Variants in SUCO observed in about 807,000 individuals in gnomAD.
SUCO encodes the protein SUN domain-containing ossification factor.
A neutral mutation model predicts 148.1 loss-of-function variants in SUCO; 57 were observed. The ratio of observed to expected loss-of-function variants is 0.38; its 90% CI spans 0.31 to 0.48. The LOEUF is 0.48. Among genes scored for constraint, SUCO ranks in the 20% least tolerant of loss-of-function variants. The pLI, the probability that SUCO is intolerant of heterozygous loss-of-function variation, is 0.96. For missense variants in SUCO, 1,331 were observed against 1,468.2 expected (o/e 0.91, Z 1.53); for synonymous variants, 470 against 502.7 (o/e 0.93, Z 0.87).
rs547393065 is a variant in SUCO, at chr1:172,591,438, C to G, written c.2913+367C>G. Among the ~76,000 whole-genome samples, 40 of 119,370 alleles carry G rather than the reference C, an allele frequency of 3.4e-4. No homozygotes were observed. The East Asian group carries it at 0.012, about 36-fold the overall frequency. The allele number at this position is 119,370 out of a possible 152,430, so 78.3% of individuals were successfully genotyped here. A position where few individuals can be genotyped will look rare whatever the true frequency, so the allele number is the denominator to read the frequency against. The stretch of plus-strand genomic sequence containing the variant: ...ATGCTATCCCTCCCCCCTCCCCCCA[C>G]CCCACAACAGGCCCTGGTGTGTGAT... On this transcript the variant is annotated intron_variant, in intron 19 of 23. Coordinates refer to ENST00000263688, the MANE Select transcript of SUCO (RefSeq NM_014283.5).
At chr1:172,535,768 T>G (rs1651966967) in intron 1 of SUCO, among the ~76,000 whole-genome samples, 2 of 152,226 alleles carry the variant, frequency 1.3e-5, no homozygotes, top group South Asian at 4.1e-4. Context: ...TTCTACAGTA[T>G]TCTAGTTTCT....
chr1:172,553,382 C>G lies in SUCO; in HGVS notation c.288+12C>G, dbSNP rs374461584. The G allele has an allele frequency of 4.5e-6, 7 of 1,541,862 alleles. No homozygotes were observed. Among genetic ancestry groups the G allele is most frequent in the Non-Finnish European group, 5.3e-6 (6 of 1,130,434 alleles). ...TTGTGGATGTACAAGTAAGCTATGT[C>G]GCTTTGATTTTCAATAATATGTCAT... On this transcript the variant is annotated intron_variant, in intron 3 of 23. Transcript: ENST00000263688.
chr1:172,610,729 A>G lies in SUCO; in HGVS notation c.*470A>G, dbSNP rs1014876150. The G allele has an allele frequency of 1.2e-4, 18 of 154,072 alleles. No individual in the cohort carries two copies. Among genetic ancestry groups the G allele is most frequent in the South Asian group, 2.0e-4 (1 of 4,912 alleles). The allele number at this position is 154,072 out of a possible 1,614,324, so 9.5% of individuals were successfully genotyped here. ...GGTTTTTGAAGCTGCAAACACTACA[A>G]TGCTTTGAGGGGGTCTGTGCCTGAA... is the stretch of plus-strand genomic sequence containing the variant. On this transcript the variant is annotated 3_prime_UTR_variant, in exon 24 of 24. Coordinates refer to ENST00000263688, the MANE Select transcript of SUCO (RefSeq NM_014283.5).
intron 2 of SUCO, chr1:172,551,949 T>A (rs1653334825): frequency 6.1e-6 from 1 of 163,900 alleles, no homozygotes; most frequent in African/African-American, 2.4e-5. Context: ...ATTTTGCAAA[T>A]GAGAACTATT....
intron 1 of SUCO, among the ~76,000 whole-genome samples, chr1:172,533,797 G>A (rs1258468341): frequency 6.6e-6 from 1 of 152,204 alleles, no homozygotes; most frequent in Non-Finnish European, 1.5e-5. Flanking sequence ...AGACGGTGCA[G>A]GGTTTGGGGT....
At chr1:172,557,199 G>C (rs1653813948) in intron 4 of SUCO, 81 bp from the exon 5 acceptor site, 2 of 1,477,232 alleles carry the variant, frequency 1.4e-6, no homozygotes, top group South Asian at 2.8e-5. Flanking sequence ...TTATGTTTTG[G>C]AAATCACTAA....
intron 4 of SUCO, 155 bp from the exon 5 acceptor site, chr1:172,557,125 A>T: frequency 2.0e-6 from 2 of 980,398 alleles, no homozygotes; most frequent in Non-Finnish European, 1.2e-6. Flanking sequence ...GAAGCTGAGG[A>T]CAATAACAGA....
chr1:172,551,497 G>A lies in SUCO; in HGVS notation c.63-15G>A. 1 of 1,502,408 alleles carries A rather than the reference G, an allele frequency of 6.7e-7. No homozygotes were observed. The highest frequency in any genetic ancestry group is 2.3e-5 in the East Asian group (1 of 43,174). 93.1% of individuals were successfully genotyped at this position (1,502,408 alleles called of 1,614,324 possible). On this transcript the variant is annotated splice_polypyrimidine_tract_variant and intron_variant, in intron 1 of 23. Coordinates refer to ENST00000263688, the MANE Select transcript of SUCO (RefSeq NM_014283.5). Reference sequence around the variant, plus strand: ...TCTCTTTTTCTGTTTGTTGGTGGTGGTGGGTGTTTTACAGGCTTCCCAGCT... The same window carrying A: ...TCTCTTTTTCTGTTTGTTGGTGGTGATGGGTGTTTTACAGGCTTCCCAGCT...
intron 1 of SUCO, chr1:172,543,166 A>G (rs887838486): frequency 2.4e-5 from 6 of 252,808 alleles, no homozygotes; most frequent in African/African-American, 1.2e-4. Context: ...AATATCTTTC[A>G]AAGGCTCCTT....
At chr1:172,559,955 A>T in intron 6 of SUCO, among the ~76,000 whole-genome samples, 4 of 152,148 alleles carry the variant, frequency 2.6e-5, no homozygotes, top group Middle Eastern at 6.8e-3. Flanking sequence ...TTCCTCCCTC[A>T]GAGATTAGAT....
At chr1:172,551,984 C>T (rs956714134) in intron 2 of SUCO, 1 of 154,894 alleles carries the variant, frequency 6.5e-6, no homozygotes, top group African/African-American at 2.4e-5. Flanking sequence ...CAGGGAGAAT[C>T]TACAGTCAGT....
chr1:172,591,677 C>A (rs1656685201), intron 19 of SUCO, among the ~76,000 whole-genome samples: 1 of 151,934 alleles, frequency 6.6e-6, no homozygotes, highest in Non-Finnish European at 1.5e-5. Flanking sequence ...TCCAGTCTAT[C>A]ATTGTTGGAC....
intron 15 of SUCO, among the ~76,000 whole-genome samples, chr1:172,584,049 C>A (rs1439404125): frequency 6.6e-6 from 1 of 152,058 alleles, no homozygotes; most frequent in African/African-American, 2.4e-5. Context: ...CATACCTGTC[C>A]CCAGCCAATT....
At chr1:172,541,394 C>A (rs1015460327) in intron 1 of SUCO, among the ~76,000 whole-genome samples, 1 of 152,160 alleles carries the variant, frequency 6.6e-6, no homozygotes, top group Non-Finnish European at 1.5e-5. Flanking sequence ...ATGTAAGAGA[C>A]TGGAGCATTC....
chr1:172,563,583 C>T (rs1654335833), intron 6 of SUCO, among the ~76,000 whole-genome samples: 1 of 152,154 alleles, frequency 6.6e-6, no homozygotes, highest in Admixed American at 6.5e-5. Flanking sequence ...CTGGCTACTT[C>T]TAAAAGCCTG....
At chr1:172,596,356 A>G (rs1657097188) in intron 19 of SUCO, among the ~76,000 whole-genome samples, 1 of 152,184 alleles carries the variant, frequency 6.6e-6, no homozygotes, top group Non-Finnish European at 1.5e-5. Context: ...GGAGGAGAAG[A>G]GGCGCTCTCA....
In SUCO at chr1:172,555,967, T is replaced by A; in HGVS notation, c.387T>A (p.Thr129=). 6.2e-7 allele frequency: 1 copy of A among 1,613,600 alleles called. No individual in the cohort carries two copies. Among genetic ancestry groups the A allele is most frequent in the Non-Finnish European group, 8.5e-7 (1 of 1,179,770 alleles). ...CCAATGCAGTTGTGGACAGTGAAAC[T>A]GTTGAAAATATTTCCAGCTCATCTA... ...ESSNAVVDSE[T]VENISSSSTS... Residue 129 remains threonine, a synonymous_variant, in exon 4 of 24, where the codon ACT becomes ACA. Transcript: ENST00000263688.
rs1294806008 is a variant in SUCO at position 172,562,326 on chromosome 1, CATTT to C, written c.732+4533_732+4536del. On this transcript the variant is annotated intron_variant, in intron 6 of 23. Transcript: ENST00000263688. ...ACATTTTAAGAAAATTGGGTTTTAA[CATTT>C]TTTTTTTTTTTTTTTTTATTTTGAG... Among the ~76,000 whole-genome samples the C allele has an allele frequency of 2.4e-3, 323 of 134,942 alleles. 3 individuals are homozygous for C. Among genetic ancestry groups the C allele is most frequent in the African/African-American group, 8.5e-3 (306 of 36,078 alleles). 88.5% of individuals were successfully genotyped at this position (134,942 alleles called of 152,430 possible).
At chr1:172,566,940 C>G (rs1654597394) in intron 6 of SUCO, among the ~76,000 whole-genome samples, 1 of 152,188 alleles carries the variant, frequency 6.6e-6, no homozygotes, top group Non-Finnish European at 1.5e-5. Flanking sequence ...TTTTTATTAT[C>G]TAATTGAAAA....
Sources: gnomAD v4.1 joint callset for allele counts (sites outside exome capture counted in the v4.1 genomes callset) on GRCh38, gnomAD v4.1.1 for gene constraint, MANE v1.5 for transcripts, NCBI Gene and HGNC (gene_info 2026-07-23, HGNC 2026-07-21) for gene names.